The following AKAP6 variants were observed in gnomAD, a reference collection of about 807,000 sequenced individuals.
The protein encoded by AKAP6 is A-kinase anchoring protein 6.
AKAP6 carries 58 observed loss-of-function variants against 188.5 expected under a neutral mutation model. The observed-to-expected ratio is 0.31, with a 90% CI of 0.25 to 0.38. AKAP6 has a LOEUF of 0.38. Among genes scored for constraint, AKAP6 ranks in the 10% least tolerant of loss-of-function variants. The probability of loss-of-function intolerance (pLI) is 1.00; values close to 1 mark genes in which losing one functional copy is unlikely to be tolerated. For missense variants in AKAP6, 2,710 were observed against 2,740.0 expected (o/e 0.99, Z 0.24); for synonymous variants, 989 against 998.6 (o/e 0.99, Z 0.18).
At chr14:32,524,505 G>A (rs557122241) in intron 2 of AKAP6, among the ~76,000 whole-genome samples, 3 of 151,972 alleles carry the variant, frequency 2.0e-5, no homozygotes, top group Non-Finnish European at 4.4e-5. Flanking sequence ...ATTTATTTGT[G>A]TGTGTGAGAC....
chr14:32,388,559 C>T (rs1888607213), intron 1 of AKAP6, among the ~76,000 whole-genome samples: 1 of 152,032 alleles, frequency 6.6e-6, no homozygotes, highest in African/African-American at 2.4e-5. Context: ...TCACTATTGT[C>T]ATTCAGTTTG....
intron 7 of AKAP6, among the ~76,000 whole-genome samples, chr14:32,622,087 T>G (rs1886836759): frequency 6.6e-6 from 1 of 152,152 alleles, no homozygotes; most frequent in South Asian, 2.1e-4. Context: ...ATTTCATTAA[T>G]TTTAATAAAA....
chr14:32,625,097 T>C (rs557635108), intron 7 of AKAP6, among the ~76,000 whole-genome samples: 3 of 152,246 alleles, frequency 2.0e-5, no homozygotes, highest in African/African-American at 7.2e-5. Flanking sequence ...GCAAAGCATA[T>C]TAAAATTAAC....
At chr14:32,808,204 GA>G (rs141335377) in intron 12 of AKAP6, among the ~76,000 whole-genome samples, 9,821 of 152,242 alleles carry the variant, frequency 0.065, 375 homozygotes, top group South Asian at 0.14. Context: ...TTCTTTCCTA[GA>G]ACACCTATAC....
rs528203135 is a variant in AKAP6 at position 32,620,775 on chromosome 14, G to A, written c.2730+19983G>A. ...TGAATATCTGGTAGAATTTGGCTGT[G>A]AATCCATTTGACCCAGGGCTTTTTT... On this transcript the variant is annotated intron_variant, in intron 7 of 13. Transcript: ENST00000280979. 5.5e-4 allele frequency among the ~76,000 whole-genome samples: 84 copies of A among 151,700 alleles called. 3 individuals are homozygous for A. In the South Asian group the frequency reaches 0.017, roughly 31 times the overall value.
At chr14:32,803,410 G>T (rs72669854) in intron 12 of AKAP6, among the ~76,000 whole-genome samples, 10,646 of 152,036 alleles carry the variant, frequency 0.07, 413 homozygotes, top group South Asian at 0.15. Flanking sequence ...GGGTTATTAA[G>T]AATAATTTTT....
At chr14:32,449,606 C>T (rs955628539) in intron 2 of AKAP6, among the ~76,000 whole-genome samples, 2 of 151,888 alleles carry the variant, frequency 1.3e-5, no homozygotes, top group African/African-American at 4.8e-5. Flanking sequence ...AGCTCTGGTC[C>T]CATAAAGAGG....
Position 32,834,907 on chromosome 14 carries a change from A to G in AKAP6, c.*5102A>G, listed in dbSNP as rs11623036. 0.58 allele frequency: 88,401 copies of G among 152,082 alleles called. 26,039 individuals are homozygous for G. The highest frequency in any genetic ancestry group is 0.71 in the South Asian group (3,407 of 4,820). 9.4% of individuals were successfully genotyped at this position (152,082 alleles called of 1,614,324 possible). A position where few individuals can be genotyped will look rare whatever the true frequency, so the allele number is the denominator to read the frequency against. On this transcript the variant is annotated 3_prime_UTR_variant, in exon 14 of 14. Coordinates refer to ENST00000280979, the MANE Select transcript of AKAP6 (RefSeq NM_004274.5). The stretch of plus-strand genomic sequence containing the variant: ...CTCGTTGCCTGTTCTGGTTTGACCC[A>G]TTTGAACAATTGACGAGCTTCAAAC...
intron 1 of AKAP6, among the ~76,000 whole-genome samples, chr14:32,361,057 CAT>C (rs1246514244): frequency 2.4e-5 from 3 of 126,554 alleles, no homozygotes; most frequent in African/African-American, 2.9e-5. Flanking sequence ...CCTGAACATA[CAT>C]ATATATATAT....
chr14:32,769,859 C>A (rs2032843733), intron 11 of AKAP6, among the ~76,000 whole-genome samples: 1 of 151,418 alleles, frequency 6.6e-6, no homozygotes, highest in South Asian at 2.1e-4. Context: ...TTATTTATAT[C>A]CTTTTATAAA....
intron 11 of AKAP6, among the ~76,000 whole-genome samples, chr14:32,740,934 A>G (rs2031642911): frequency 6.6e-6 from 1 of 151,130 alleles, no homozygotes; most frequent in African/African-American, 2.4e-5. Context: ...ATTGTATTGA[A>G]TTTGTAGATT....
Position 32,559,228 on chromosome 14 carries a change from A to G in AKAP6, c.2346+12229A>G, listed in dbSNP as rs934799476. ...TTAAGAGGCCAGGAAGATAGTATAA[A>G]TGAATCATAAAGCCAGCTGTAAATG... On this transcript the variant is annotated intron_variant, in intron 4 of 13. Coordinates refer to ENST00000280979, the MANE Select transcript of AKAP6 (RefSeq NM_004274.5). 2.0e-5 allele frequency among the ~76,000 whole-genome samples: 3 copies of G among 152,326 alleles called. No homozygotes were observed. In the South Asian group the frequency reaches 6.2e-4, roughly 32 times the overall value.
chr14:32,823,597 A>G lies in AKAP6; in HGVS notation c.5784A>G (p.Ser1928=), dbSNP rs148013095. ...ENLGSHGKEI[S]ESEHCKCKAL... ...TTGGTTCACATGGGAAAGAGATTTCAGAGAGTGAGCATTGTAAGTGTAAAG... is the reference window on the plus strand; with the variant it reads ...TTGGTTCACATGGGAAAGAGATTTCGGAGAGTGAGCATTGTAAGTGTAAAG... Residue 1928 remains serine (S), a synonymous_variant, in exon 13 of 14, where the codon TCA becomes TCG. Coordinates refer to ENST00000280979, the MANE Select transcript of AKAP6 (RefSeq NM_004274.5). 1.0e-4 allele frequency: 162 copies of G among 1,613,826 alleles called. No individual in the cohort carries two copies. Among genetic ancestry groups the G allele is most frequent in the Non-Finnish European group, 1.2e-4 (147 of 1,179,914 alleles).
At chr14:32,462,901 C>CA (rs71143943) in intron 2 of AKAP6, among the ~76,000 whole-genome samples, 1,607 of 8,798 alleles carry the variant, frequency 0.18, 346 homozygotes, top group Middle Eastern at 0.4. Context: ...AAATGGAAAG[C>CA]AAAAAAAAAA....
chr14:32,828,523 TCTCTCTCACACA>T (rs1392549647), intron 13 of AKAP6, among the ~76,000 whole-genome samples: 532 of 31,356 alleles, frequency 0.017, 3 homozygotes, highest in Non-Finnish European at 0.033. Context: ...TCTCTCTCTC[TCTCTCTCACACA>T]CACACACACA....
intron 11 of AKAP6, among the ~76,000 whole-genome samples, chr14:32,767,973 T>C (rs527482768): frequency 6.6e-6 from 1 of 152,308 alleles, no homozygotes; most frequent in African/African-American, 2.4e-5. Context: ...GGAATCAGTG[T>C]CTTCTCTTTG....
At chr14:32,817,757 A>G (rs932286923) in intron 12 of AKAP6, among the ~76,000 whole-genome samples, 1 of 152,130 alleles carries the variant, frequency 6.6e-6, no homozygotes, top group East Asian at 1.9e-4. Flanking sequence ...TGCCTTTTTT[A>G]AAAAGTACCA....
At chr14:32,745,461 T>TTCTCTCTCTCTCTCTCTCTCTC (rs71115094) in intron 11 of AKAP6, among the ~76,000 whole-genome samples, 9 of 141,326 alleles carry the variant, frequency 6.4e-5, no homozygotes, top group Non-Finnish European at 1.2e-4. Context: ...TATTTATTCA[T>TTCTCTCTCTCTCTCTCTCTCTC]TCTCTCTCTC....
chr14:32,563,501 G>C (rs1217958988), intron 4 of AKAP6, among the ~76,000 whole-genome samples: 2 of 152,142 alleles, frequency 1.3e-5, no homozygotes, highest in East Asian at 1.9e-4. Flanking sequence ...GGGGGGGGAA[G>C]GGTCAGGTCT....
Sources: allele counts gnomAD v4.1 joint callset (sites outside exome capture counted in the v4.1 genomes callset), GRCh38; gene constraint gnomAD v4.1.1; transcripts MANE v1.5; gene names NCBI Gene and HGNC (gene_info 2026-07-23, HGNC 2026-07-21).